The following SNTB2 variants were observed in gnomAD, a reference collection of about 807,000 sequenced individuals.
SNTB2 encodes the protein beta-2-syntrophin.
In SNTB2, 34 loss-of-function variants were observed where a neutral mutation model predicts 46.2. The observed-to-expected ratio is 0.74, with a 90% CI of 0.56 to 0.98. SNTB2 has a LOEUF of 0.98. Among genes scored for constraint, SNTB2 ranks in the 50% least tolerant of loss-of-function variants. The pLI, the probability that SNTB2 is intolerant of heterozygous loss-of-function variation, is 0.00. For synonymous variants in SNTB2, 290 were observed against 312.6 expected (o/e 0.93, Z 0.76); for missense variants, 603 against 731.4 (o/e 0.82, Z 2.02).
chr16:69,260,618 C>G (rs1597190535), intron 3 of SNTB2, among the ~76,000 whole-genome samples: 1 of 152,166 alleles, frequency 6.6e-6, no homozygotes, highest in African/African-American at 2.4e-5. Flanking sequence ...CTACTTGACT[C>G]TTCTGTTGTA....
chr16:69,291,637 AG>A (rs1294804896), intron 5 of SNTB2, among the ~76,000 whole-genome samples: 2 of 152,168 alleles, frequency 1.3e-5, no homozygotes, highest in Admixed American at 1.3e-4. Context: ...TGAGCCCAGG[AG>A]TTTGAGGCTG....
intron 4 of SNTB2, among the ~76,000 whole-genome samples, chr16:69,271,431 C>G (rs2143121998): frequency 6.6e-6 from 1 of 152,274 alleles, no homozygotes; most frequent in South Asian, 2.1e-4. Flanking sequence ...TAAATCCCCA[C>G]TAAATTATAA....
intron 3 of SNTB2, among the ~76,000 whole-genome samples, chr16:69,266,961 G>C (rs1964892078): frequency 6.6e-6 from 1 of 151,892 alleles, no homozygotes; most frequent in African/African-American, 2.4e-5. Context: ...GCCTCCCAAA[G>C]TGTCAAGATT....
intron 2 of SNTB2, among the ~76,000 whole-genome samples, chr16:69,259,844 A>G (rs2143088366): frequency 6.6e-6 from 1 of 151,592 alleles, no homozygotes; most frequent in South Asian, 2.1e-4. Flanking sequence ...TCCTGAGCTC[A>G]GGCAATCCCC....
chr16:69,262,867 G>C (rs141067725), intron 3 of SNTB2, among the ~76,000 whole-genome samples: 2,754 of 151,830 alleles, frequency 0.018, 83 homozygotes, highest in African/African-American at 0.062. Context: ...GTAGAGATGG[G>C]GCTTCACCAT....
chr16:69,231,664 A>G (rs1183779386), intron 1 of SNTB2, among the ~76,000 whole-genome samples: 3 of 152,158 alleles, frequency 2.0e-5, no homozygotes, highest in Non-Finnish European at 4.4e-5. Context: ...CCAAAGAAAA[A>G]TATGTAATTT....
In SNTB2 at chr16:69,187,764, G is replaced by A. The variant is rs1255055225; in HGVS notation, c.580+18G>A. On this transcript the variant is annotated intron_variant, in intron 1 of 6. Coordinates refer to ENST00000336278, the MANE Select transcript of SNTB2 (RefSeq NM_006750.4). ...GCTGGAGGGTGAGCGGGGCCGGGCG[G>A]GAGGGTGGGCAGGCCGCGGCGGCCT... is the stretch of plus-strand genomic sequence containing the variant. 1.6e-5 allele frequency: 22 copies of A among 1,366,274 alleles called. 1 individual carries two copies. The highest frequency in any genetic ancestry group is 3.0e-5 in the East Asian group (1 of 32,850). The allele number at this position is 1,366,274 out of a possible 1,614,324, so 84.6% of individuals were successfully genotyped here. A position where few individuals can be genotyped will look rare whatever the true frequency, so the allele number is the denominator to read the frequency against.
chr16:69,280,582 C>CG (rs1209186465), intron 4 of SNTB2, among the ~76,000 whole-genome samples: 5 of 145,090 alleles, frequency 3.4e-5, no homozygotes, highest in African/African-American at 1.3e-4. Context: ...GCTGGCCGGG[C>CG]GGGGGGCTGA....
chr16:69,266,083 G>A (rs1196940753), intron 3 of SNTB2, among the ~76,000 whole-genome samples: 1 of 152,126 alleles, frequency 6.6e-6, no homozygotes, highest in East Asian at 1.9e-4. Context: ...GTTAAGGCAA[G>A]GCCAGGTGTG....
chr16:69,250,207 C>T (rs1964713027), intron 2 of SNTB2, among the ~76,000 whole-genome samples: 1 of 152,116 alleles, frequency 6.6e-6, no homozygotes, highest in African/African-American at 2.4e-5. Flanking sequence ...GTTTTTTAGA[C>T]ATAAAAGTAG....
intron 1 of SNTB2, among the ~76,000 whole-genome samples, chr16:69,223,569 G>T (rs1964428200): frequency 6.6e-6 from 1 of 151,698 alleles, no homozygotes; most frequent in African/African-American, 2.4e-5. Context: ...TCCTTTTTCT[G>T]TTCCAGGATC....
chr16:69,206,439 C>T (rs1311152302), intron 1 of SNTB2, among the ~76,000 whole-genome samples: 1 of 152,038 alleles, frequency 6.6e-6, no homozygotes, highest in African/African-American at 2.4e-5. Context: ...CGGTGGCTCA[C>T]GCCTGTAATC....
At chr16:69,236,843 A>G (rs1964564591) in intron 1 of SNTB2, among the ~76,000 whole-genome samples, 1 of 152,146 alleles carries the variant, frequency 6.6e-6, no homozygotes. Flanking sequence ...GTGGTCTGCA[A>G]AGGTTTAGAG....
intron 3 of SNTB2, among the ~76,000 whole-genome samples, chr16:69,263,931 C>T (rs1964860508): frequency 6.6e-6 from 1 of 150,788 alleles, no homozygotes; most frequent in Non-Finnish European, 1.5e-5. Flanking sequence ...TGCAGTGGCG[C>T]AATCTCGGCT....
Position 69,299,689 on chromosome 16 carries a change from G to A in SNTB2, c.1445G>A (p.Arg482His), listed in dbSNP as rs190773096. 2.2e-5 allele frequency: 35 copies of A among 1,614,052 alleles called. No homozygotes were observed. The highest frequency in any genetic ancestry group is 2.0e-4 in the Admixed American group (12 of 60,010). ...GGAGGCTCCAGCAGCATATTGTACCGCTACCCCTTTGAAAGGCTGAAGATG... is the reference window on the plus strand; with the variant it reads ...GGAGGCTCCAGCAGCATATTGTACCACTACCCCTTTGAAAGGCTGAAGATG... Reference protein sequence around the residue: ...ENGGSSSILYRYPFERLKMSA... With the variant: ...ENGGSSSILYHYPFERLKMSA... Residue 482 changes from arginine (R) to histidine (H), a missense_variant, in exon 6 of 7, where the codon CGC (arginine) becomes CAC (histidine). By Grantham distance (29) the Arg-to-His change is conservative. Around this residue, in one of 2 missense-constraint regions of SNTB2, gnomAD observed 537 missense variants for 692.4 expected, o/e 0.78. Transcript: ENST00000336278.
chr16:69,278,327 T>TA lies in SNTB2; in HGVS notation c.1149-5712dup, dbSNP rs539105579. ...TGAGACCCTGTCTCAAAATGAAAAT[T>TA]AAAAAAAAAGAAAATATAAAAAGTG... On this transcript the variant is annotated intron_variant, in intron 4 of 6. Transcript: ENST00000336278. Among the ~76,000 whole-genome samples the TA allele has an allele frequency of 3.8e-3, 569 of 150,232 alleles. 1 individual carries two copies. The highest frequency in any genetic ancestry group is 0.011 in the African/African-American group (459 of 41,002).
At chr16:69,261,604 G>T (rs1255023589) in intron 3 of SNTB2, among the ~76,000 whole-genome samples, 1 of 152,012 alleles carries the variant, frequency 6.6e-6, no homozygotes, top group Non-Finnish European at 1.5e-5. Flanking sequence ...TGAAAGTCAT[G>T]ATATAAGTAC....
At chr16:69,210,171 C>T (rs899319634) in intron 1 of SNTB2, among the ~76,000 whole-genome samples, 8 of 151,230 alleles carry the variant, frequency 5.3e-5, no homozygotes, top group Non-Finnish European at 4.4e-5. Context: ...TACAGGTGCA[C>T]ACCACCATGC....
At chr16:69,229,144 T>C (rs893005609) in intron 1 of SNTB2, among the ~76,000 whole-genome samples, 5 of 152,208 alleles carry the variant, frequency 3.3e-5, no homozygotes, top group Non-Finnish European at 1.5e-5. Flanking sequence ...AAATTACTTT[T>C]CTAATAATTT....
Sources: gnomAD v4.1 joint callset for allele counts (sites outside exome capture counted in the v4.1 genomes callset) on GRCh38, gnomAD v4.1.1 for gene constraint, gnomAD v4.1.1 regional missense constraint, MANE v1.5 for transcripts, NCBI Gene and HGNC (gene_info 2026-07-23, HGNC 2026-07-21) for gene names.